Variants in EXOC5 observed in about 807,000 individuals in gnomAD.
The protein encoded by EXOC5 is SEC10-like 1.
In EXOC5, 17 loss-of-function variants were observed where a neutral mutation model predicts 90.8. The ratio of observed to expected loss-of-function variants is 0.19; its 90% CI spans 0.13 to 0.28. The LOEUF is 0.28. EXOC5 is among the 10% of genes least tolerant of loss of function. The probability of loss-of-function intolerance (pLI) is 1.00; values close to 1 mark genes in which losing one functional copy is unlikely to be tolerated. For missense variants in EXOC5, 569 were observed against 830.6 expected (o/e 0.69, Z 3.87); for synonymous variants, 260 against 270.0 (o/e 0.96, Z 0.36).
intron 12 of EXOC5, 125 bp from the exon 13 acceptor site, chr14:57,222,541 T>TC: frequency 7.7e-6 from 4 of 522,086 alleles, no homozygotes; most frequent in South Asian, 6.3e-5. Context: ...AACTCACAGC[T>TC]CCCCCCATAC....
At chr14:57,235,455 T>C (rs946032387) in intron 7 of EXOC5, among the ~76,000 whole-genome samples, 15 of 152,038 alleles carry the variant, frequency 9.9e-5, no homozygotes, top group Non-Finnish European at 2.2e-4. Context: ...TATCAAAGTA[T>C]AAAAATTCAT....
intron 11 of EXOC5, among the ~76,000 whole-genome samples, chr14:57,230,666 A>C (rs1247455692): frequency 6.6e-6 from 1 of 152,222 alleles, no homozygotes; most frequent in Non-Finnish European, 1.5e-5. Context: ...TCTGGGTTCC[A>C]GGCAGTTAAA....
At chr14:57,258,251 C>A (rs761233556) in intron 1 of EXOC5, among the ~76,000 whole-genome samples, 1 of 152,070 alleles carries the variant, frequency 6.6e-6, no homozygotes, top group Admixed American at 6.6e-5. Context: ...TGCACACGTA[C>A]GTTTACTGCA....
At chr14:57,227,957 C>T (rs934854077) in intron 12 of EXOC5, among the ~76,000 whole-genome samples, 180 of 150,496 alleles carry the variant, frequency 1.2e-3, no homozygotes, top group African/African-American at 4.0e-3. Context: ...CACACACACA[C>T]ACACACACAC....
chr14:57,248,750 T>C (rs1884100925), intron 1 of EXOC5, among the ~76,000 whole-genome samples: 1 of 152,084 alleles, frequency 6.6e-6, no homozygotes, highest in Admixed American at 6.5e-5. Flanking sequence ...TGCAAAGTTT[T>C]TTCTTAAACC....
At chr14:57,244,683 A>G (rs1883981264) in intron 3 of EXOC5, among the ~76,000 whole-genome samples, 2 of 152,182 alleles carry the variant, frequency 1.3e-5, no homozygotes, top group Admixed American at 1.3e-4. Flanking sequence ...ACAATTAGCT[A>G]AGTATGAAAA....
chr14:57,204,193 T>C lies in EXOC5; in HGVS notation c.*4416A>G, dbSNP rs1882580125. The C allele has an allele frequency of 1.3e-5, 2 of 152,298 alleles. No homozygotes were observed. The highest frequency in any genetic ancestry group is 6.5e-5 in the Admixed American group (1 of 15,288). 9.4% of individuals were successfully genotyped at this position (152,298 alleles called of 1,614,324 possible). A position where few individuals can be genotyped will look rare whatever the true frequency, so the allele number is the denominator to read the frequency against. On this transcript the variant is annotated 3_prime_UTR_variant, in exon 18 of 18. Transcript: ENST00000621441. The stretch of plus-strand genomic sequence containing the variant: ...TAATAATGATAAAATACCTCGGGTC[T>C]AGTTCAAAAATAGGAATTTTGTTAA...
At chr14:57,255,890 G>A (rs1884336746) in intron 1 of EXOC5, among the ~76,000 whole-genome samples, 1 of 150,940 alleles carries the variant, frequency 6.6e-6, no homozygotes, top group Non-Finnish European at 1.5e-5. Context: ...TATATATTCT[G>A]AATTAAAAGG....
chr14:57,249,638 G>A (rs772386682), intron 1 of EXOC5, among the ~76,000 whole-genome samples: 6 of 152,062 alleles, frequency 3.9e-5, no homozygotes, highest in Non-Finnish European at 8.8e-5. Flanking sequence ...AAAAATCTCT[G>A]CTCCTCTGGA....
chr14:57,263,739 T>TAAA lies in EXOC5; in HGVS notation c.27+4880_27+4882dup, dbSNP rs550651836. On this transcript the variant is annotated intron_variant, in intron 1 of 17. Coordinates refer to ENST00000621441, the MANE Select transcript of EXOC5 (RefSeq NM_006544.4). ...GAGATCACGCCACTGCACTCCAGCCTAAAAAAAAAAAAAAAAAAAAAAAGC... is the reference window on the plus strand; with the variant it reads ...GAGATCACGCCACTGCACTCCAGCCTAAAAAAAAAAAAAAAAAAAAAAAAAAGC... Among the ~76,000 whole-genome samples the TAAA allele has an allele frequency of 4.9e-3, 194 of 39,316 alleles. 2 individuals carry two copies. The highest frequency in any genetic ancestry group is 0.032 in the Middle Eastern group (2 of 62). 25.8% of individuals were successfully genotyped at this position (39,316 alleles called of 152,430 possible). A position where few individuals can be genotyped will look rare whatever the true frequency, so the allele number is the denominator to read the frequency against.
chr14:57,238,396 A>ACC, intron 5 of EXOC5, among the ~76,000 whole-genome samples: 1 of 149,016 alleles, frequency 6.7e-6, no homozygotes, highest in African/African-American at 2.4e-5. Context: ...ACACACACAC[A>ACC]CACACACACA....
intron 12 of EXOC5, among the ~76,000 whole-genome samples, chr14:57,227,735 ATTCT>A (rs1883351397): frequency 1.3e-5 from 2 of 152,124 alleles, no homozygotes; most frequent in South Asian, 4.1e-4. Context: ...GCGTATGCGT[ATTCT>A]TTGACTTGTT....
rs1346500399 is a variant in EXOC5, at chr14:57,208,622, C to T, written c.2114G>A (p.Arg705Gln). Residue 705 changes from arginine (R) to glutamine (Q), a missense_variant, in exon 18 of 18, where the codon CGA becomes CAA. Physicochemically the swap from Arg to Gln is conservative, Grantham distance 43. Transcript: ENST00000621441. ...RADYRSARLA[R>Q]HFS ...GTAAATTCAATCTCAGCTGAAGTGT[C>T]GAGCAAGGCGGGCAGATCTATAATC... The T allele has an allele frequency of 6.2e-7, 1 of 1,601,360 alleles. No homozygotes were observed. Among genetic ancestry groups the T allele is most frequent in the South Asian group, 1.1e-5 (1 of 90,426 alleles).
rs572343022 is a variant in EXOC5, at chr14:57,206,565, T to C, written c.*2044A>G. 2.0e-5 allele frequency: 3 copies of C among 152,194 alleles called. No individual in the cohort carries two copies. Among genetic ancestry groups the C allele is most frequent in the African/African-American group, 4.8e-5 (2 of 41,512 alleles). The allele number at this position is 152,194 out of a possible 1,614,324, so 9.4% of individuals were successfully genotyped here. On this transcript the variant is annotated 3_prime_UTR_variant, in exon 18 of 18. Coordinates refer to ENST00000621441, the MANE Select transcript of EXOC5 (RefSeq NM_006544.4). ...ATTCAGGATGGATGGCTCTAAAATA[T>C]AAAAAGAGTGAAATAAAAAAAACAA... is the stretch of plus-strand genomic sequence containing the variant.
At chr14:57,209,544 T>G (rs748993784) in intron 17 of EXOC5, 23 bp downstream of exon 17, 27 of 1,433,628 alleles carry the variant, frequency 1.9e-5, no homozygotes, top group Non-Finnish European at 9.7e-7. Context: ...ATTTGCAAGT[T>G]TGATGTTTTT....
At position 57,205,212 on chromosome 14, in the gene EXOC5, A is replaced by T. The variant is rs1490458441; in HGVS notation, c.*3397T>A. Reference sequence around the variant, plus strand: ...TCTTTATTATGCAGCAAAATTTTTTAAATTGCTAACTTTTAACTTCATGTA... The same window carrying T: ...TCTTTATTATGCAGCAAAATTTTTTTAATTGCTAACTTTTAACTTCATGTA... On this transcript the variant is annotated 3_prime_UTR_variant, in exon 18 of 18. Coordinates refer to ENST00000621441, the MANE Select transcript of EXOC5 (RefSeq NM_006544.4). 1 of 152,076 alleles carries T rather than the reference A, an allele frequency of 6.6e-6. No individual in the cohort carries two copies. The highest frequency in any genetic ancestry group is 6.6e-5 in the Admixed American group (1 of 15,248). 9.4% of individuals were successfully genotyped at this position (152,076 alleles called of 1,614,324 possible).
chr14:57,230,055 G>A (rs1041574994), intron 11 of EXOC5, among the ~76,000 whole-genome samples, 174 bp from the exon 12 acceptor site: 6 of 151,970 alleles, frequency 3.9e-5, no homozygotes, highest in African/African-American at 1.4e-4. Context: ...ATATCTAAAC[G>A]GAAGATTTTC....
chr14:57,266,103 C>T (rs1475915090), intron 1 of EXOC5, among the ~76,000 whole-genome samples: 2 of 152,168 alleles, frequency 1.3e-5, no homozygotes, highest in African/African-American at 4.8e-5. Flanking sequence ...ATTTTGTTTT[C>T]ATTTAACTTC....
intron 1 of EXOC5, among the ~76,000 whole-genome samples, chr14:57,251,112 A>G (rs1232765220): frequency 6.6e-6 from 1 of 152,218 alleles, no homozygotes; most frequent in South Asian, 2.1e-4. Context: ...GAAGGCTTAT[A>G]TCTTCCCAGG....
Sources: gnomAD v4.1 joint callset for allele counts (sites outside exome capture counted in the v4.1 genomes callset) on GRCh38, gnomAD v4.1.1 for gene constraint, MANE v1.5 for transcripts, NCBI Gene and HGNC (gene_info 2026-07-23, HGNC 2026-07-21) for gene names.